Variants in SLC22A15 observed in about 807,000 individuals in gnomAD.
SLC22A15 encodes solute carrier family 22 member 15.
SLC22A15 carries 45 observed loss-of-function variants against 62.7 expected under a neutral mutation model. The observed-to-expected ratio is 0.72, with a 90% CI of 0.56 to 0.92. SLC22A15 has a LOEUF of 0.92. Ranked by LOEUF, SLC22A15 falls within the 40% of genes least tolerant of loss-of-function variation. The pLI is 0.00. For missense variants in SLC22A15, 622 were observed against 665.6 expected, an observed-to-expected ratio of 0.93 and a Z score of 0.72; for synonymous variants, 264 against 267.0, an observed-to-expected ratio of 0.99 and a Z score of 0.11.
intron 2 of SLC22A15, among the ~76,000 whole-genome samples, chr1:116,014,721 CTT>C (rs1398412035): frequency 6.6e-6 from 1 of 152,126 alleles, no homozygotes; most frequent in African/African-American, 2.4e-5. Flanking sequence ...ATTTGAATGA[CTT>C]ATAAATTAGT....
chr1:115,982,480 G>A (rs565237311), intron 1 of SLC22A15, among the ~76,000 whole-genome samples: 1 of 152,220 alleles, frequency 6.6e-6, no homozygotes, highest in African/African-American at 2.4e-5. Context: ...GCGTTGCTAT[G>A]CATGTAAAGG....
At chr1:116,047,334 G>A (rs1657951808) in intron 8 of SLC22A15, among the ~76,000 whole-genome samples, 1 of 152,220 alleles carries the variant, frequency 6.6e-6, no homozygotes, top group Non-Finnish European at 1.5e-5. Context: ...GGCTGAGGCA[G>A]AAGAATCGCT....
intron 8 of SLC22A15, among the ~76,000 whole-genome samples, chr1:116,048,023 AC>A (rs1397806862): frequency 6.6e-6 from 1 of 152,168 alleles, no homozygotes; most frequent in African/African-American, 2.4e-5. Flanking sequence ...ACCCAATCCA[AC>A]AAAGACAAAG....
intron 8 of SLC22A15, among the ~76,000 whole-genome samples, chr1:116,062,101 C>T (rs145377681): frequency 0.024 from 3,637 of 152,102 alleles, 146 homozygotes; most frequent in African/African-American, 0.083. Context: ...TCCAGCTACT[C>T]GGGAGACTGA....
At chr1:115,989,237 C>G (rs944159006) in intron 1 of SLC22A15, among the ~76,000 whole-genome samples, 1 of 152,032 alleles carries the variant, frequency 6.6e-6, no homozygotes, top group Non-Finnish European at 1.5e-5. Context: ...ATTCTGCCTG[C>G]AGGTTGCTAG....
At chr1:116,021,592 G>T (rs531103787) in intron 4 of SLC22A15, among the ~76,000 whole-genome samples, 10 of 152,286 alleles carry the variant, frequency 6.6e-5, no homozygotes, top group South Asian at 2.1e-4. Flanking sequence ...ATGGATATGG[G>T]AAACAGGTTG....
In SLC22A15 at chr1:116,069,703, A is replaced by T. The variant is rs1658574575; in HGVS notation, c.*2595A>T. ...TTGGCTACTTTCAAGCAATGCAGAT[A>T]TTCTTTAGTATTTAAAAATGAGCAA... On this transcript the variant is annotated 3_prime_UTR_variant, in exon 12 of 12. Coordinates refer to ENST00000369503, the MANE Select transcript of SLC22A15 (RefSeq NM_018420.3). 1 of 152,320 alleles carries T rather than the reference A, an allele frequency of 6.6e-6. No individual in the cohort carries two copies. The highest frequency in any genetic ancestry group is 2.4e-5 in the African/African-American group (1 of 41,580). 9.4% of individuals were successfully genotyped at this position (152,320 alleles called of 1,614,324 possible).
At chr1:116,057,597 C>A (rs957811077) in intron 8 of SLC22A15, among the ~76,000 whole-genome samples, 2 of 152,164 alleles carry the variant, frequency 1.3e-5, no homozygotes, top group African/African-American at 4.8e-5. Flanking sequence ...GCTATAAAGA[C>A]ACATGCACAC....
At chr1:116,054,247 T>C in intron 8 of SLC22A15, among the ~76,000 whole-genome samples, 1 of 151,508 alleles carries the variant, frequency 6.6e-6, no homozygotes, top group East Asian at 1.9e-4. Flanking sequence ...AAGGCATGGG[T>C]TGCAATCCTA....
chr1:116,011,656 A>G (rs1656262367), intron 2 of SLC22A15, among the ~76,000 whole-genome samples: 1 of 152,230 alleles, frequency 6.6e-6, no homozygotes, highest in African/African-American at 2.4e-5. Context: ...ACACTTCACC[A>G]TGCATCATTG....
intron 2 of SLC22A15, among the ~76,000 whole-genome samples, chr1:115,995,183 G>C (rs1024361274): frequency 1.3e-5 from 2 of 152,064 alleles, no homozygotes; most frequent in African/African-American, 4.8e-5. Flanking sequence ...TGCCCTTAGT[G>C]GTGATGTTAA....
At chr1:116,016,377 C>T (rs1021426087) in intron 2 of SLC22A15, among the ~76,000 whole-genome samples, 3 of 148,832 alleles carry the variant, frequency 2.0e-5, no homozygotes, top group African/African-American at 7.8e-5. Context: ...CAGGTGTGCA[C>T]CACCACACCC....
At chr1:115,988,664 G>A (rs1192675369) in intron 1 of SLC22A15, among the ~76,000 whole-genome samples, 2 of 151,050 alleles carry the variant, frequency 1.3e-5, no homozygotes, top group Non-Finnish European at 2.9e-5. Context: ...GGGATTACAG[G>A]CATGTGCCAC....
rs867641276 is a variant in SLC22A15, at chr1:115,977,910, C to T, written c.87+1196C>T. 5.3e-4 allele frequency among the ~76,000 whole-genome samples: 80 copies of T among 152,088 alleles called. 4 individuals are homozygous for T. Among genetic ancestry groups the T allele is most frequent in the Non-Finnish European group, 2.1e-4 (14 of 67,994 alleles). On this transcript the variant is annotated intron_variant, in intron 1 of 11. Transcript: ENST00000369503. ...AGTTGATTTCATCATCAGCCAGAAACGGTTCAAATGATGGAGTCAGTTCTT... is the reference window on the plus strand; with the variant it reads ...AGTTGATTTCATCATCAGCCAGAAATGGTTCAAATGATGGAGTCAGTTCTT...
At chr1:116,031,150 C>T (rs2101435110) in intron 5 of SLC22A15, among the ~76,000 whole-genome samples, 1 of 152,102 alleles carries the variant, frequency 6.6e-6, no homozygotes, top group South Asian at 2.1e-4. Context: ...AATTGTAAAG[C>T]ATGTTCTTGG....
At chr1:116,052,560 C>T in intron 8 of SLC22A15, among the ~76,000 whole-genome samples, 1 of 152,186 alleles carries the variant, frequency 6.6e-6, no homozygotes. Flanking sequence ...CAGTGGTTCT[C>T]CCAGCACGCA....
At chr1:116,037,021 A>G (rs866975391) in intron 7 of SLC22A15, among the ~76,000 whole-genome samples, 3 of 152,226 alleles carry the variant, frequency 2.0e-5, no homozygotes, top group Admixed American at 2.0e-4. Flanking sequence ...CATTTAAAAC[A>G]GTGTCTGAAA....
intron 9 of SLC22A15, among the ~76,000 whole-genome samples, chr1:116,063,199 C>T (rs1658423703): frequency 1.3e-5 from 2 of 152,232 alleles, no homozygotes; most frequent in Admixed American, 1.3e-4. Flanking sequence ...ATTCAGTCAC[C>T]CATCCTGCAT....
intron 1 of SLC22A15, among the ~76,000 whole-genome samples, chr1:115,984,832 C>T (rs1654779235): frequency 6.6e-6 from 1 of 151,648 alleles, no homozygotes; most frequent in African/African-American, 2.4e-5. Context: ...TAGGTTTTAA[C>T]AAATAAGTTC....
Sources: gnomAD v4.1 joint callset for allele counts (sites outside exome capture counted in the v4.1 genomes callset) on GRCh38, gnomAD v4.1.1 for gene constraint, MANE v1.5 for transcripts, NCBI Gene and HGNC (gene_info 2026-07-23, HGNC 2026-07-21) for gene names.